ARHGAP18: variants seen among roughly 807,000 people sequenced by gnomAD.
ARHGAP18 encodes the protein Rho GTPase activating protein 18.
Under a neutral mutation model 86.2 loss-of-function variants are expected in ARHGAP18, and 67 were observed. The observed-to-expected ratio is 0.78, with a 90% confidence interval of 0.64 to 0.95. ARHGAP18 has a LOEUF of 0.95. Among genes scored for constraint, ARHGAP18 ranks in the 40% least tolerant of loss-of-function variants. ARHGAP18 has a pLI of 0.00. For synonymous variants in ARHGAP18, 283 were observed against 280.4 expected (o/e 1.01, Z -0.09); for missense variants, 691 against 780.4 (o/e 0.89, Z 1.37).
chr6:129,668,186 T>G lies in ARHGAP18; in HGVS notation c.114-26168A>C, dbSNP rs562821075. 2.0e-5 allele frequency among the ~76,000 whole-genome samples: 3 copies of G among 152,290 alleles called. No homozygotes were observed. The South Asian group carries it at 6.2e-4, about 32-fold the overall frequency. ...TTAATTTCCCTCATTCAAATAGTTC[T>G]TCTCTAGAGATAATGTTTCCCAAGC... is the stretch of plus-strand genomic sequence containing the variant. On this transcript the variant is annotated intron_variant, in intron 1 of 14. Transcript: ENST00000368149.
Position 129,638,486 on chromosome 6 carries a change from T to C in ARHGAP18, c.460A>G (p.Thr154Ala). ...TTTTTCCTCAAGGTCTGGGAGACCG[T>C]CTCTACTCGCTTCTGAACTGCTGCT... ...QAAAVQKRVE[T>A]VSQTLRKKNK... The change falls in exon 3 of 15, where the codon ACG becomes GCG. Residue 154 changes from threonine to alanine, a missense_variant. Physicochemically the swap from Thr to Ala is moderately conservative, Grantham distance 58. Transcript: ENST00000368149. The C allele has an allele frequency of 6.2e-7, 1 of 1,614,146 alleles. No homozygotes were observed. The highest frequency in any genetic ancestry group is 1.1e-5 in the South Asian group (1 of 91,080).
chr6:129,618,634 T>A, intron 6 of ARHGAP18, 53 bp downstream of exon 6: 1 of 1,511,052 alleles, frequency 6.6e-7, no homozygotes, highest in East Asian at 2.3e-5. Context: ...AAAAGCCAAG[T>A]CCATCCTTGC....
rs762820395 is a variant in ARHGAP18 at position 129,611,565 on chromosome 6, A to G, written c.1090T>C (p.Leu364=). ...CTAATGGCAGCTCCAGGGATCCGTAAGAGGCCTTCTGTTTCCAAACCTCTC... is the reference window on the plus strand; with the variant it reads ...CTAATGGCAGCTCCAGGGATCCGTAGGAGGCCTTCTGTTTCCAAACCTCTC... ...EERGLETEGL[L]RIPGAAIRIK... Residue 364 remains leucine (L), a synonymous_variant, in exon 8 of 15, where the codon TTA becomes CTA. Transcript: ENST00000368149. 2 of 1,613,870 alleles carry G rather than the reference A, an allele frequency of 1.2e-6. No homozygotes were observed. Among genetic ancestry groups the G allele is most frequent in the Non-Finnish European group, 1.7e-6 (2 of 1,179,856 alleles).
At chr6:129,609,495 T>C (rs1788934081) in intron 8 of ARHGAP18, among the ~76,000 whole-genome samples, 1 of 152,224 alleles carries the variant, frequency 6.6e-6, no homozygotes, top group African/African-American at 2.4e-5. Flanking sequence ...CATTGCAGTC[T>C]GCTAGTGAGG....
chr6:129,643,917 T>C (rs75181593), intron 1 of ARHGAP18, among the ~76,000 whole-genome samples: 1 of 152,212 alleles, frequency 6.6e-6, no homozygotes, highest in Non-Finnish European at 1.5e-5. Flanking sequence ...GGAACTTAAT[T>C]GTTTATTGCT....
chr6:129,618,948 C>A, intron 5 of ARHGAP18, 96 bp from the exon 6 acceptor site: 2 of 1,104,060 alleles, frequency 1.8e-6, no homozygotes, highest in East Asian at 2.4e-5. Flanking sequence ...AAGTTATACT[C>A]AGAATAAGTG....
At chr6:129,645,987 G>A (rs1275852153) in intron 1 of ARHGAP18, among the ~76,000 whole-genome samples, 2 of 152,164 alleles carry the variant, frequency 1.3e-5, no homozygotes, top group Admixed American at 6.5e-5. Context: ...ATATCATTCA[G>A]GGTATGAGTA....
chr6:129,680,844 A>G (rs758562759), intron 1 of ARHGAP18, among the ~76,000 whole-genome samples: 1 of 152,252 alleles, frequency 6.6e-6, no homozygotes, highest in Non-Finnish European at 1.5e-5. Flanking sequence ...GAGAGTATGT[A>G]TGGACCTCAG....
rs1285079918 is a variant in ARHGAP18, at chr6:129,625,474, T to A, written c.786+3879A>T. ...ATTATATATTATATATAATATATAT[T>A]TTATATTATATATTATATATAATAT... On this transcript the variant is annotated intron_variant, in intron 5 of 14. Coordinates refer to ENST00000368149, the MANE Select transcript of ARHGAP18 (RefSeq NM_033515.3). Among the ~76,000 whole-genome samples the A allele has an allele frequency of 1.3e-4, 5 of 38,354 alleles. 1 individual carries two copies. Among genetic ancestry groups the A allele is most frequent in the Non-Finnish European group, 1.8e-4 (4 of 21,968 alleles). 25.2% of individuals were successfully genotyped at this position (38,354 alleles called of 152,430 possible).
chr6:129,621,056 A>G (rs1422280006), intron 5 of ARHGAP18, among the ~76,000 whole-genome samples: 2 of 152,220 alleles, frequency 1.3e-5, no homozygotes, highest in African/African-American at 4.8e-5. Flanking sequence ...TTTTGAGAAA[A>G]AGATATTTAT....
At chr6:129,607,179 C>G (rs888627549) in intron 9 of ARHGAP18, among the ~76,000 whole-genome samples, 6 of 152,004 alleles carry the variant, frequency 3.9e-5, no homozygotes, top group Admixed American at 6.6e-5. Context: ...TATAAGTGTC[C>G]CTGTTTAAAA....
chr6:129,695,058 T>C (rs1289831281), intron 1 of ARHGAP18, among the ~76,000 whole-genome samples: 2 of 152,160 alleles, frequency 1.3e-5, no homozygotes, highest in Admixed American at 6.5e-5. Flanking sequence ...TTTTTCTACA[T>C]ATAAAGCGAC....
intron 5 of ARHGAP18, among the ~76,000 whole-genome samples, chr6:129,625,607 T>TTATATATTTATATATTCTATATATTTA (rs1562697807): frequency 5.1e-5 from 2 of 39,360 alleles, no homozygotes; most frequent in Non-Finnish European, 9.1e-5. Flanking sequence ...ATATTATATA[T>TTATATATTTATATATTCTATATATTTA]TATTATATAT....
At chr6:129,675,736 A>C (rs915419629) in intron 1 of ARHGAP18, among the ~76,000 whole-genome samples, 8 of 152,140 alleles carry the variant, frequency 5.3e-5, no homozygotes, top group Non-Finnish European at 1.2e-4. Flanking sequence ...TAGAGACTTA[A>C]TTGTTTTTCC....
chr6:129,672,018 T>A (rs1158938054), intron 1 of ARHGAP18, among the ~76,000 whole-genome samples: 1 of 152,090 alleles, frequency 6.6e-6, no homozygotes, highest in Non-Finnish European at 1.5e-5. Flanking sequence ...ATTACAACAC[T>A]CACAGCAGGA....
chr6:129,698,389 A>G (rs1163372082), intron 1 of ARHGAP18, among the ~76,000 whole-genome samples: 2 of 152,204 alleles, frequency 1.3e-5, no homozygotes, highest in East Asian at 3.8e-4. Context: ...TTCCTCAAAT[A>G]TAGATGGTAT....
At chr6:129,681,614 T>C (rs1584110682) in intron 1 of ARHGAP18, among the ~76,000 whole-genome samples, 1 of 152,230 alleles carries the variant, frequency 6.6e-6, no homozygotes, top group African/African-American at 2.4e-5. Context: ...CCCATTTTAT[T>C]TGAGCTATTA....
chr6:129,655,937 T>C (rs1773825428), intron 1 of ARHGAP18, among the ~76,000 whole-genome samples: 1 of 152,180 alleles, frequency 6.6e-6, no homozygotes, highest in Non-Finnish European at 1.5e-5. Flanking sequence ...ACCCACATAA[T>C]ATACATTTTC....
At chr6:129,705,560 A>G (rs1011698570) in intron 1 of ARHGAP18, among the ~76,000 whole-genome samples, 2 of 152,164 alleles carry the variant, frequency 1.3e-5, no homozygotes, top group Admixed American at 1.3e-4. Context: ...CTTTTACATT[A>G]TGGTTCATTC....
Sources: allele counts gnomAD v4.1 joint callset (sites outside exome capture counted in the v4.1 genomes callset), GRCh38; gene constraint gnomAD v4.1.1; transcripts MANE v1.5; gene names NCBI Gene and HGNC (gene_info 2026-07-23, HGNC 2026-07-21).